Variants in CCDC183 observed in about 807,000 individuals in gnomAD.
CCDC183 encodes coiled-coil domain-containing protein 183.
CCDC183 carries 63 observed loss-of-function variants against 65.2 expected under a neutral mutation model. The ratio of observed to expected loss-of-function variants is 0.97; its 90% CI spans 0.79 to 1.19. The LOEUF (loss-of-function observed/expected upper bound fraction) is 1.19, where lower values mean the gene tolerates loss of function less well. CCDC183 is among the 50% of genes most tolerant of loss of function. CCDC183 has a pLI of 0.00. For missense variants in CCDC183, 769 were observed against 689.3 expected (o/e 1.12, Z -1.30); for synonymous variants, 323 against 276.5 (o/e 1.17, Z -1.67).
At chr9:136,802,625 C>A in intron 5 of CCDC183, 39 bp from the exon 6 acceptor site, 8 of 1,572,344 alleles carry the variant, frequency 5.1e-6, no homozygotes, top group South Asian at 1.2e-5. Flanking sequence ...AACTGCAGCC[C>A]ACTCTGTAGG....
chr9:136,796,340 G>A lies in CCDC183; in HGVS notation c.-58G>A. 1 of 1,172,466 alleles carries A rather than the reference G, an allele frequency of 8.5e-7. No homozygotes were observed. The highest frequency in any genetic ancestry group is 1.3e-6 in the Non-Finnish European group (1 of 798,644). 72.6% of individuals were successfully genotyped at this position (1,172,466 alleles called of 1,614,324 possible). A position where few individuals can be genotyped will look rare whatever the true frequency, so the allele number is the denominator to read the frequency against. On this transcript the variant is annotated 5_prime_UTR_variant, in exon 1 of 14. Coordinates refer to ENST00000338005, the MANE Select transcript of CCDC183 (RefSeq NM_001039374.5). ...CAATCTGAGTGGCGGCTCTGAGCAA[G>A]CTGAGCCCAGGGAGGCTTTGAGGTA...
At chr9:136,801,331 G>A (rs1421593429) in intron 5 of CCDC183, among the ~76,000 whole-genome samples, 1 of 145,382 alleles carries the variant, frequency 6.9e-6, no homozygotes, top group Non-Finnish European at 1.5e-5. Flanking sequence ...CCCCACCCCT[G>A]TCCATGCCCC....
intron 5 of CCDC183, among the ~76,000 whole-genome samples, chr9:136,802,068 G>A (rs919736615): frequency 2.0e-5 from 3 of 152,180 alleles, no homozygotes; most frequent in African/African-American, 4.8e-5. Flanking sequence ...GATTACAGGC[G>A]TGAGCCACCG....
intron 6 of CCDC183, among the ~76,000 whole-genome samples, chr9:136,803,755 G>A (rs1847791379): frequency 1.3e-5 from 2 of 152,108 alleles, no homozygotes; most frequent in South Asian, 4.1e-4. Context: ...GGTACAACTT[G>A]GGAAAAGGCC....
At chr9:136,799,654 AGCCAGCGGCTGCGGGTGCGCAAAGG>A in intron 2 of CCDC183, 34 bp from the exon 3 acceptor site, 1 of 1,453,732 alleles carries the variant, frequency 6.9e-7, no homozygotes, top group Non-Finnish European at 9.6e-7. Flanking sequence ...TGCCTGGAGG[AGCCAGCGGCTGCGGGTGCGCAAAGG>A]GCCCGCTCTA....
At chr9:136,797,438 CT>C (rs373062914) in intron 1 of CCDC183, among the ~76,000 whole-genome samples, 23,608 of 142,018 alleles carry the variant, frequency 0.17, 1,764 homozygotes, top group Middle Eastern at 0.25. Flanking sequence ...TACTTTGTGT[CT>C]TTTTTTTTTT....
At position 136,804,286 on chromosome 9, in the gene CCDC183, G is replaced by T. The variant is rs571685860; in HGVS notation, c.667-216G>T. 1 of 588,590 alleles carries T rather than the reference G, an allele frequency of 1.7e-6. No homozygotes were observed. Among genetic ancestry groups the T allele is most frequent in the Non-Finnish European group, 2.9e-6 (1 of 345,362 alleles). 36.5% of individuals were successfully genotyped at this position (588,590 alleles called of 1,614,324 possible). ...GCCAGCGGCTGGAGGGCAGCAGAGCGTCTGGGCTGGCACATGCTCTGAGGC... is the reference window on the plus strand; with the variant it reads ...GCCAGCGGCTGGAGGGCAGCAGAGCTTCTGGGCTGGCACATGCTCTGAGGC... On this transcript the variant is annotated intron_variant, in intron 6 of 13. Coordinates refer to ENST00000338005, the MANE Select transcript of CCDC183 (RefSeq NM_001039374.5). The surrounding 1 kb of genome is among the most constrained non-coding windows in gnomAD (Gnocchi z 4.1).
chr9:136,806,039 C>G (rs1182499599), intron 9 of CCDC183, 39 bp from the exon 10 acceptor site: 6 of 1,532,086 alleles, frequency 3.9e-6, no homozygotes, highest in Non-Finnish European at 5.3e-6. Flanking sequence ...GCCCACCATC[C>G]TGGCCCACAC....
chr9:136,804,751 C>CCT lies in CCDC183; in HGVS notation c.793-9_793-8dup. ...ATGTCTCATCCCTTCCCCGCCCCCA[C>CCT]CTCCCATCAGGGCCAGATGGACTTG... On this transcript the variant is annotated splice_polypyrimidine_tract_variant and intron_variant, in intron 7 of 13. Coordinates refer to ENST00000338005, the MANE Select transcript of CCDC183 (RefSeq NM_001039374.5). The surrounding 1 kb of genome is among the most constrained non-coding windows in gnomAD (Gnocchi z 4.1). 2 of 1,613,570 alleles carry CCT rather than the reference C, an allele frequency of 1.2e-6. No homozygotes were observed. Among genetic ancestry groups the CCT allele is most frequent in the Non-Finnish European group, 1.7e-6 (2 of 1,179,646 alleles).
chr9:136,800,619 C>G (rs1847724661), intron 5 of CCDC183, 126 bp downstream of exon 5: 1 of 671,824 alleles, frequency 1.5e-6, no homozygotes, highest in East Asian at 2.8e-5. Flanking sequence ...ACCGGCTACG[C>G]AGGACGCCGA....
intron 9 of CCDC183, chr9:136,805,734 C>T (rs935091701): frequency 3.6e-6 from 2 of 548,812 alleles, no homozygotes; most frequent in Admixed American, 6.4e-5. Flanking sequence ...ACAAGTGACT[C>T]AAGTGACACA....
intron 1 of CCDC183, among the ~76,000 whole-genome samples, chr9:136,797,127 C>A (rs982771020): frequency 3.3e-5 from 5 of 152,220 alleles, no homozygotes; most frequent in Non-Finnish European, 7.3e-5. Context: ...GCAAGATATG[C>A]TGGCAGCAAT....
chr9:136,802,554 C>T lies in CCDC183; in HGVS notation c.544-110C>T, dbSNP rs564581677. On this transcript the variant is annotated intron_variant, in intron 5 of 13. Transcript: ENST00000338005. ...CGGGGAGTGGGGGAGGTGGCTGGGG[C>T]CACAGAGGAGAACCTATCACTGTTC... The T allele has an allele frequency of 6.8e-5, 99 of 1,446,182 alleles. No homozygotes were observed. The Middle Eastern group carries it at 1.0e-3, about 15-fold the overall frequency. The allele number at this position is 1,446,182 out of a possible 1,614,324, so 89.6% of individuals were successfully genotyped here. A position where few individuals can be genotyped will look rare whatever the true frequency, so the allele number is the denominator to read the frequency against.
In CCDC183 at chr9:136,803,231, C is replaced by G. The variant is rs1033781054; in HGVS notation, c.666+445C>G. Among the ~76,000 whole-genome samples the G allele has an allele frequency of 8.6e-4, 66 of 76,554 alleles. 2 individuals carry two copies. Among genetic ancestry groups the G allele is most frequent in the African/African-American group, 1.1e-3 (19 of 16,754 alleles). 50.2% of individuals were successfully genotyped at this position (76,554 alleles called of 152,430 possible). ...CCCAGGGCTGGGGGCCCCCCAGGGC[C>G]AGCCCTCTTGGATCTTCGGATGGGG... On this transcript the variant is annotated intron_variant, in intron 6 of 13. Transcript: ENST00000338005.
chr9:136,803,280 G>GCCGGGGCCCCCCAGGGCCAGCC (rs149971114), intron 6 of CCDC183, among the ~76,000 whole-genome samples: 1 of 50,664 alleles, frequency 2.0e-5, no homozygotes. Flanking sequence ...AGGGCCCAGG[G>GCCGGGGCCCCCCAGGGCCAGCC]CTGGGGCCCC....
intron 9 of CCDC183, 55 bp downstream of exon 9, chr9:136,805,512 T>C (rs2811793): frequency 0.8 from 1,210,394 of 1,511,198 alleles, 485,512 homozygotes; most frequent in East Asian, 0.87. Context: ...GCCTCTCACG[T>C]CTGGGTAATG....
Position 136,806,564 on chromosome 9 carries a change from G to A in CCDC183, c.1170G>A (p.Gln390=), listed in dbSNP as rs1355043628. ...DMLKEEEERL[Q]LAHSNMTKGQ... Reference sequence around the variant, plus strand: ...TAAAAGAGGAAGAAGAGAGGCTCCAGCTGGCGCACAGCAACATGACCAAGG... The same window carrying A: ...TAAAAGAGGAAGAAGAGAGGCTCCAACTGGCGCACAGCAACATGACCAAGG... Residue 390 remains glutamine, a synonymous_variant, in exon 11 of 14, where the codon CAG becomes CAA. Transcript: ENST00000338005. 23 of 1,613,686 alleles carry A rather than the reference G, an allele frequency of 1.4e-5. No homozygotes were observed. The highest frequency in any genetic ancestry group is 1.9e-5 in the Non-Finnish European group (23 of 1,180,038).
At chr9:136,805,760 G>T (rs1847833586) in intron 9 of CCDC183, among the ~76,000 whole-genome samples, 1 of 152,176 alleles carries the variant, frequency 6.6e-6, no homozygotes, top group South Asian at 2.1e-4. Context: ...CTTCAGTGAT[G>T]ATCTCCTTAT....
At position 136,804,476 on chromosome 9, in the gene CCDC183, C is replaced by T. The variant is rs186899803; in HGVS notation, c.667-26C>T. On this transcript the variant is annotated intron_variant, in intron 6 of 13. Transcript: ENST00000338005. This position sits in a 1 kb window ranked among gnomAD's most constrained non-coding sequence, Gnocchi z 4.1. The stretch of plus-strand genomic sequence containing the variant: ...GGGCCTTGTTGAGACAGCTCCCCAA[C>T]CCTGTGCCCACCCGCATGTCCCCAG... 751 of 1,607,492 alleles carry T rather than the reference C, an allele frequency of 4.7e-4. No homozygotes were observed. Among genetic ancestry groups the T allele is most frequent in the Non-Finnish European group, 5.8e-4 (687 of 1,177,996 alleles).
Sources: allele counts gnomAD v4.1 joint callset (sites outside exome capture counted in the v4.1 genomes callset), GRCh38; gene constraint gnomAD v4.1.1; non-coding constraint Gnocchi (gnomAD v3.1); transcripts MANE v1.5; gene names NCBI Gene and HGNC (gene_info 2026-07-23, HGNC 2026-07-21).